The following PKNOX2 variants were observed in gnomAD, a reference collection of about 807,000 sequenced individuals.
PKNOX2 encodes homeobox protein PKNOX2.
In PKNOX2, 14 loss-of-function variants were observed where a neutral mutation model predicts 53.1. The observed-to-expected ratio is 0.26, with a 90% CI of 0.17 to 0.41. PKNOX2 has a LOEUF of 0.41. Ranked by LOEUF, PKNOX2 falls within the 10% of genes least tolerant of loss-of-function variation. The pLI, the probability that PKNOX2 is intolerant of heterozygous loss-of-function variation, is 1.00. For synonymous variants in PKNOX2, 257 were observed against 242.8 expected (o/e 1.06, Z -0.54); for missense variants, 496 against 602.8 (o/e 0.82, Z 1.85).
chr11:125,202,739 C>T (rs1054520199), intron 1 of PKNOX2, among the ~76,000 whole-genome samples: 8 of 152,110 alleles, frequency 5.3e-5, no homozygotes, highest in African/African-American at 1.9e-4. Flanking sequence ...GGGGTGAGTG[C>T]TCTGGGACAG....
intron 10 of PKNOX2, among the ~76,000 whole-genome samples, chr11:125,427,824 G>A (rs992903080): frequency 2.0e-5 from 3 of 152,058 alleles, no homozygotes; most frequent in Non-Finnish European, 2.9e-5. Flanking sequence ...TTATTCAGAC[G>A]TTCGCCACAC....
At chr11:125,408,038 C>T (rs764887850) in intron 7 of PKNOX2, among the ~76,000 whole-genome samples, 3 of 152,180 alleles carry the variant, frequency 2.0e-5, no homozygotes, top group Non-Finnish European at 4.4e-5. Flanking sequence ...GTTCACCTTG[C>T]CTGCAATGAT....
At chr11:125,171,889 C>A (rs117402814) in intron 1 of PKNOX2, among the ~76,000 whole-genome samples, 10 of 152,206 alleles carry the variant, frequency 6.6e-5, no homozygotes, top group Non-Finnish European at 1.3e-4. Context: ...AGGGCACATA[C>A]AATACACAGA....
chr11:125,180,676 T>A (rs1373110262), intron 1 of PKNOX2, among the ~76,000 whole-genome samples: 1 of 152,128 alleles, frequency 6.6e-6, no homozygotes, highest in Non-Finnish European at 1.5e-5. Flanking sequence ...ATGACACAGC[T>A]CCTGGGGAAA....
Position 125,370,259 on chromosome 11 carries a change from A to G in PKNOX2, c.227+2274A>G, listed in dbSNP as rs1267138339. On this transcript the variant is annotated intron_variant, in intron 5 of 12. Coordinates refer to ENST00000298282, the MANE Select transcript of PKNOX2 (RefSeq NM_001382323.2). This position sits in a 1 kb window ranked among gnomAD's most constrained non-coding sequence, Gnocchi z 4.1. ...CGTGGAGGCACCTGGCCCTGCGTCC[A>G]GCACCAAACAGAGGGTTTACTCTGT... Among the ~76,000 whole-genome samples, 1 of 152,280 alleles carries G rather than the reference A, an allele frequency of 6.6e-6. No individual in the cohort carries two copies. The highest frequency in any genetic ancestry group is 1.5e-5 in the Non-Finnish European group (1 of 68,012).
chr11:125,167,160 A>T (rs1954940886), intron 1 of PKNOX2, among the ~76,000 whole-genome samples: 1 of 107,558 alleles, frequency 9.3e-6, no homozygotes, highest in Non-Finnish European at 1.8e-5. Context: ...GAGGTAGGTT[A>T]TTCTCTGGGC....
At chr11:125,401,809 G>A (rs1954773828) in intron 7 of PKNOX2, among the ~76,000 whole-genome samples, 1 of 151,740 alleles carries the variant, frequency 6.6e-6, no homozygotes, top group Admixed American at 6.6e-5. Flanking sequence ...GCACACGCGG[G>A]CACATGCATT....
At chr11:125,348,016 C>G (rs980166960) in intron 3 of PKNOX2, among the ~76,000 whole-genome samples, 5 of 152,138 alleles carry the variant, frequency 3.3e-5, no homozygotes, top group African/African-American at 1.2e-4. Context: ...AGCTCTGAAG[C>G]CCGGGGCTAG....
chr11:125,232,463 A>G lies in PKNOX2; in HGVS notation c.-200-2582A>G, dbSNP rs1258621115. Among the ~76,000 whole-genome samples, 5 of 152,306 alleles carry G rather than the reference A, an allele frequency of 3.3e-5. No homozygotes were observed. The East Asian group carries it at 9.6e-4, about 29-fold the overall frequency. On this transcript the variant is annotated intron_variant, in intron 1 of 12. Transcript: ENST00000298282. ...GGAGTTAGCATTAGCCCTATTTTAT[A>G]CATGAAAAACAGGCACAGGGGCATT...
chr11:125,397,365 T>A (rs1441517630), intron 6 of PKNOX2, among the ~76,000 whole-genome samples: 1 of 152,208 alleles, frequency 6.6e-6, no homozygotes, highest in Non-Finnish European at 1.5e-5. Flanking sequence ...GAAATTCTGA[T>A]CTCCATCTTC....
intron 7 of PKNOX2, 150 bp from the exon 8 acceptor site, chr11:125,410,046 A>C: frequency 9.5e-7 from 1 of 1,052,816 alleles, no homozygotes; most frequent in Non-Finnish European, 1.3e-6. Flanking sequence ...TAGGAAACCA[A>C]GAGAGTTGCC....
At chr11:125,367,681 C>A (rs755124520) in intron 4 of PKNOX2, among the ~76,000 whole-genome samples, 165 bp from the exon 5 acceptor site, 8 of 152,202 alleles carry the variant, frequency 5.3e-5, no homozygotes, top group Non-Finnish European at 1.2e-4. Flanking sequence ...CTTTTCTTCC[C>A]ACTGTAGCAC....
intron 1 of PKNOX2, among the ~76,000 whole-genome samples, chr11:125,170,896 GT>G (rs1451620247): frequency 1.3e-5 from 2 of 150,504 alleles, no homozygotes; most frequent in Non-Finnish European, 3.0e-5. Flanking sequence ...GTAACTGTTA[GT>G]TTTCTGCTTA....
chr11:125,254,950 G>A (rs535081627), intron 2 of PKNOX2, among the ~76,000 whole-genome samples: 2 of 152,244 alleles, frequency 1.3e-5, no homozygotes, highest in Non-Finnish European at 2.9e-5. Flanking sequence ...ATCACTTTAC[G>A]CACTTCTTAA....
In PKNOX2 at chr11:125,213,547, C is replaced by T. The variant is rs567840522; in HGVS notation, c.-200-21498C>T. Among the ~76,000 whole-genome samples the T allele has an allele frequency of 8.5e-5, 13 of 152,182 alleles. No individual in the cohort carries two copies. The East Asian group carries it at 2.5e-3, about 29-fold the overall frequency. On this transcript the variant is annotated intron_variant, in intron 1 of 12. Transcript: ENST00000298282. ...ATCAGGGCTCACTGAAGTCTCTGCCCCCTAGGCTCACGTGCTTCTCCCACC... is the reference window on the plus strand; with the variant it reads ...ATCAGGGCTCACTGAAGTCTCTGCCTCCTAGGCTCACGTGCTTCTCCCACC...
At chr11:125,214,352 A>C (rs1010782287) in intron 1 of PKNOX2, among the ~76,000 whole-genome samples, 2 of 149,598 alleles carry the variant, frequency 1.3e-5, no homozygotes, top group Non-Finnish European at 3.0e-5. Flanking sequence ...TCTCCCTCTT[A>C]CTCCCTTTCT....
intron 3 of PKNOX2, among the ~76,000 whole-genome samples, chr11:125,345,858 A>G (rs544279667): frequency 6.6e-6 from 1 of 152,326 alleles, no homozygotes; most frequent in South Asian, 2.1e-4. Flanking sequence ...GCAAATCCTA[A>G]GGCGACTGAT....
At chr11:125,176,997 TG>T (rs1955760972) in intron 1 of PKNOX2, among the ~76,000 whole-genome samples, 1 of 152,190 alleles carries the variant, frequency 6.6e-6, no homozygotes, top group Non-Finnish European at 1.5e-5. Context: ...GTGATAACCT[TG>T]CGATGTTCAT....
At chr11:125,248,906 G>A (rs916685710) in intron 2 of PKNOX2, among the ~76,000 whole-genome samples, 2 of 126,256 alleles carry the variant, frequency 1.6e-5, no homozygotes, top group Non-Finnish European at 3.3e-5. Context: ...TATATATAAC[G>A]TATATATATA....
Sources: gnomAD v4.1 joint callset for allele counts (sites outside exome capture counted in the v4.1 genomes callset) on GRCh38, gnomAD v4.1.1 for gene constraint, Gnocchi (gnomAD v3.1) non-coding constraint, MANE v1.5 for transcripts, NCBI Gene and HGNC (gene_info 2026-07-23, HGNC 2026-07-21) for gene names.